SPATA16: variants seen among roughly 807,000 people sequenced by gnomAD.
SPATA16 encodes spermatogenesis associated 16.
SPATA16 carries 36 observed loss-of-function variants against 63.3 expected under a neutral mutation model. The ratio of observed to expected loss-of-function variants is 0.57; its 90% CI spans 0.44 to 0.75. SPATA16 has a LOEUF of 0.75. Ranked by LOEUF, SPATA16 falls within the 30% of genes least tolerant of loss-of-function variation. The pLI is 0.00. For synonymous variants in SPATA16, 203 were observed against 216.7 expected (o/e 0.94, Z 0.56); for missense variants, 646 against 679.3 (o/e 0.95, Z 0.54).
chr3:172,943,027 A>G (rs1733193178), intron 6 of SPATA16, among the ~76,000 whole-genome samples: 2 of 152,206 alleles, frequency 1.3e-5, no homozygotes, highest in African/African-American at 4.8e-5. Context: ...CACAACAAAA[A>G]TCATTCTTGG....
intron 6 of SPATA16, among the ~76,000 whole-genome samples, chr3:172,938,853 TC>T (rs1325137793): frequency 4.0e-5 from 3 of 75,514 alleles, no homozygotes; most frequent in Non-Finnish European, 7.2e-5. Flanking sequence ...AACAAATGGA[TC>T]CCCTGGCATA....
chr3:173,052,126 G>A (rs1736114569), intron 2 of SPATA16, among the ~76,000 whole-genome samples: 1 of 152,082 alleles, frequency 6.6e-6, no homozygotes, highest in South Asian at 2.1e-4. Context: ...AGTCATTATG[G>A]GATAATGTGG....
intron 10 of SPATA16, among the ~76,000 whole-genome samples, chr3:172,900,797 C>T (rs562155178): frequency 7.7e-4 from 117 of 151,922 alleles, no homozygotes; most frequent in African/African-American, 2.6e-3. Flanking sequence ...CATGCCACCA[C>T]GCCCAGCTAA....
At chr3:173,128,649 G>A (rs993699815) in intron 1 of SPATA16, among the ~76,000 whole-genome samples, 6 of 152,252 alleles carry the variant, frequency 3.9e-5, no homozygotes, top group African/African-American at 7.2e-5. Context: ...AACTCCCACC[G>A]CTTGAATTGA....
intron 9 of SPATA16, among the ~76,000 whole-genome samples, chr3:172,915,634 A>G (rs897290805): frequency 2.0e-5 from 3 of 152,128 alleles, no homozygotes; most frequent in Non-Finnish European, 4.4e-5. Context: ...AGGTGCTATC[A>G]TTTCTAATAT....
chr3:172,977,199 A>G (rs1387227721), intron 4 of SPATA16, 147 bp from the exon 5 acceptor site: 3 of 717,888 alleles, frequency 4.2e-6, no homozygotes, highest in East Asian at 5.6e-5. Context: ...AACACAAAGC[A>G]CATTTTAGAG....
chr3:172,983,318 A>G (rs1277570872), intron 4 of SPATA16, among the ~76,000 whole-genome samples: 3 of 147,284 alleles, frequency 2.0e-5, no homozygotes. Flanking sequence ...TCTTTCTCCA[A>G]GTGACCTCTC....
rs113117988 is a variant in SPATA16 at position 173,133,956 on chromosome 3, A to G, written c.-19+7147T>C. 5.9e-3 allele frequency among the ~76,000 whole-genome samples: 898 copies of G among 151,958 alleles called. 11 individuals are homozygous for G. Among genetic ancestry groups the G allele is most frequent in the African/African-American group, 0.021 (853 of 41,394 alleles). On this transcript the variant is annotated intron_variant, in intron 1 of 10. Coordinates refer to ENST00000351008, the MANE Select transcript of SPATA16 (RefSeq NM_031955.6). Reference sequence around the variant, plus strand: ...TACCAAAATTAACCATAGCTCACTCATAAGTCAAGCCACCACAAATTTCAC... The same window carrying G: ...TACCAAAATTAACCATAGCTCACTCGTAAGTCAAGCCACCACAAATTTCAC...
chr3:172,975,541 A>T (rs1734137549), intron 5 of SPATA16, among the ~76,000 whole-genome samples: 1 of 151,972 alleles, frequency 6.6e-6, no homozygotes, highest in Non-Finnish European at 1.5e-5. Flanking sequence ...AGCCCATATT[A>T]TTTGCTTATT....
At position 173,096,156 on chromosome 3, in the gene SPATA16, G is replaced by A. The variant is rs572890570; in HGVS notation, c.612+20964C>T. ...CTACTATCCCATTTCTTGAAAATAC[G>A]AACATGTGCTTTAGTTTAGAGACAG... is the stretch of plus-strand genomic sequence containing the variant. On this transcript the variant is annotated intron_variant, in intron 2 of 10. Transcript: ENST00000351008. Among the ~76,000 whole-genome samples the A allele has an allele frequency of 1.4e-3, 214 of 151,936 alleles. 1 individual carries two copies. The South Asian group carries it at 0.016, about 12-fold the overall frequency.
intron 1 of SPATA16, among the ~76,000 whole-genome samples, chr3:173,124,942 G>A (rs1047197362): frequency 4.0e-5 from 6 of 151,826 alleles, no homozygotes; most frequent in South Asian, 2.1e-4. Flanking sequence ...CTAACTACCC[G>A]TGTTACAACT....
At chr3:173,120,668 AT>A (rs1234893824) in intron 1 of SPATA16, among the ~76,000 whole-genome samples, 1 of 152,056 alleles carries the variant, frequency 6.6e-6, no homozygotes, top group African/African-American at 2.4e-5. Context: ...CTTTATAGCC[AT>A]TTCTTCTAGA....
At chr3:172,927,187 C>T (rs890679735) in intron 6 of SPATA16, among the ~76,000 whole-genome samples, 1 of 152,138 alleles carries the variant, frequency 6.6e-6, no homozygotes, top group African/African-American at 2.4e-5. Flanking sequence ...AATCCTGGCA[C>T]ACTGATTACC....
chr3:173,001,453 T>G (rs1049670799), intron 4 of SPATA16, among the ~76,000 whole-genome samples: 4 of 152,144 alleles, frequency 2.6e-5, no homozygotes, highest in Admixed American at 2.0e-4. Context: ...TCAAAATGAT[T>G]TCATTTCTCC....
At chr3:172,927,369 G>A (rs1732763108) in intron 6 of SPATA16, among the ~76,000 whole-genome samples, 1 of 152,176 alleles carries the variant, frequency 6.6e-6, no homozygotes, top group Admixed American at 6.5e-5. Context: ...TAAAATATAT[G>A]CTGATTATTG....
intron 2 of SPATA16, among the ~76,000 whole-genome samples, chr3:173,066,944 C>G (rs1736535469): frequency 6.6e-6 from 1 of 151,528 alleles, no homozygotes; most frequent in African/African-American, 2.4e-5. Context: ...GAATTAAGAA[C>G]TTCATTAGAG....
intron 5 of SPATA16, among the ~76,000 whole-genome samples, chr3:172,968,824 A>T (rs982950853): frequency 1.3e-5 from 2 of 152,256 alleles, no homozygotes; most frequent in Admixed American, 1.3e-4. Context: ...ATCAAAGCAA[A>T]ATGAAACACA....
intron 2 of SPATA16, among the ~76,000 whole-genome samples, chr3:173,060,114 G>A (rs528983481): frequency 8.4e-4 from 127 of 151,964 alleles, no homozygotes; most frequent in Non-Finnish European, 1.7e-3. Flanking sequence ...AAAATTAGCC[G>A]GGCATGGTTG....
Position 173,088,000 on chromosome 3 carries a change from TTCTTTCCG to T in SPATA16, c.612+29112_612+29119del, listed in dbSNP as rs1308112677. 3.6e-3 allele frequency among the ~76,000 whole-genome samples: 529 copies of T among 145,560 alleles called. 20 individuals carry two copies. Among genetic ancestry groups the T allele is most frequent in the African/African-American group, 0.014 (502 of 36,534 alleles). On this transcript the variant is annotated intron_variant, in intron 2 of 10. Transcript: ENST00000351008. ...CTTGGAGAATCTGATGATTAGCATT[TTCTTTCCG>T]TCTTTCTTTCTTTCTTTCTTTCTTT... is the stretch of plus-strand genomic sequence containing the variant.
Sources: allele counts gnomAD v4.1 joint callset (sites outside exome capture counted in the v4.1 genomes callset), GRCh38; gene constraint gnomAD v4.1.1; transcripts MANE v1.5; gene names NCBI Gene and HGNC (gene_info 2026-07-23, HGNC 2026-07-21).